The following EHBP1 variants were observed in gnomAD, a reference collection of about 807,000 sequenced individuals.
EHBP1 encodes the protein EH domain-binding protein 1.
A neutral mutation model predicts 144.0 loss-of-function variants in EHBP1; 55 were observed. That is an observed-to-expected ratio of 0.38 (90% CI 0.31 to 0.48). The LOEUF is 0.48. Among genes scored for constraint, EHBP1 ranks in the 20% least tolerant of loss-of-function variants. EHBP1 has a pLI of 0.98. For missense variants in EHBP1, 1,200 were observed against 1,364.2 expected, an observed-to-expected ratio of 0.88 and a Z score of 1.90; for synonymous variants, 469 against 472.7, an observed-to-expected ratio of 0.99 and a Z score of 0.10.
chr2:62,848,462 T>C (rs780448683), intron 7 of EHBP1, among the ~76,000 whole-genome samples: 50 of 152,112 alleles, frequency 3.3e-4, no homozygotes, highest in Non-Finnish European at 5.7e-4. Flanking sequence ...AAAATATATG[T>C]CTCCAAAAAG....
intron 1 of EHBP1, among the ~76,000 whole-genome samples, chr2:62,684,830 G>A (rs1014905117): frequency 1.3e-4 from 20 of 152,264 alleles, no homozygotes; most frequent in East Asian, 5.8e-4. Context: ...AAGAGAGAAC[G>A]TTTATGTATT....
intron 2 of EHBP1, among the ~76,000 whole-genome samples, chr2:62,712,114 G>T (rs961490079): frequency 3.7e-4 from 57 of 152,106 alleles, no homozygotes; most frequent in African/African-American, 1.4e-3. Flanking sequence ...TGGGAGAGGA[G>T]GTAACCTTAG....
chr2:63,031,821 C>T (rs952045705), intron 19 of EHBP1, among the ~76,000 whole-genome samples: 13 of 151,996 alleles, frequency 8.6e-5, no homozygotes, highest in Non-Finnish European at 1.6e-4. Context: ...CCCAGCAACA[C>T]GAGAGGCTGA....
At chr2:62,926,470 T>C (rs1444452908) in intron 10 of EHBP1, among the ~76,000 whole-genome samples, 1 of 151,962 alleles carries the variant, frequency 6.6e-6, no homozygotes, top group Non-Finnish European at 1.5e-5. Context: ...TAAAAGAAAC[T>C]GAAACATCCC....
intron 14 of EHBP1, among the ~76,000 whole-genome samples, chr2:62,970,014 T>C (rs1229730901): frequency 6.6e-6 from 1 of 152,176 alleles, no homozygotes; most frequent in Non-Finnish European, 1.5e-5. Flanking sequence ...TAATTTTATT[T>C]TTTATTTAAT....
intron 19 of EHBP1, among the ~76,000 whole-genome samples, chr2:63,001,865 T>G (rs2059864774): frequency 6.6e-6 from 1 of 152,190 alleles, no homozygotes; most frequent in Non-Finnish European, 1.5e-5. Flanking sequence ...TTCCTGGGGT[T>G]CTACTAGTAA....
chr2:62,942,465 C>T (rs2056815819), intron 10 of EHBP1, among the ~76,000 whole-genome samples: 1 of 152,166 alleles, frequency 6.6e-6, no homozygotes, highest in South Asian at 2.1e-4. Flanking sequence ...CAGCAAAGCT[C>T]TTGGCCTGTT....
chr2:62,814,811 T>A (rs149577550), intron 5 of EHBP1, among the ~76,000 whole-genome samples: 2 of 152,192 alleles, frequency 1.3e-5, no homozygotes, highest in African/African-American at 2.4e-5. Context: ...CATTGAAGAC[T>A]TCAGGTCAAA....
chr2:62,880,357 AAAAG>A (rs2051298494), intron 10 of EHBP1, among the ~76,000 whole-genome samples: 1 of 151,982 alleles, frequency 6.6e-6, no homozygotes, highest in Non-Finnish European at 1.5e-5. Flanking sequence ...AAAAAAAAAA[AAAAG>A]AAAATTGATA....
intron 19 of EHBP1, among the ~76,000 whole-genome samples, chr2:63,024,743 G>C (rs2060902416): frequency 6.6e-6 from 1 of 152,122 alleles, no homozygotes; most frequent in Non-Finnish European, 1.5e-5. Context: ...GGGCATGGTG[G>C]TTCACACCTG....
intron 21 of EHBP1, chr2:63,044,862 T>G (rs1361269294): frequency 2.0e-6 from 1 of 507,572 alleles, no homozygotes; most frequent in Non-Finnish European, 3.6e-6. Flanking sequence ...GCCATCTCCA[T>G]TCACAGGACC....
intron 2 of EHBP1, among the ~76,000 whole-genome samples, chr2:62,743,285 A>G (rs1023206174): frequency 1.3e-5 from 2 of 152,036 alleles, no homozygotes; most frequent in African/African-American, 4.8e-5. Context: ...TACAGTTTTT[A>G]CAAATTTTAA....
intron 7 of EHBP1, among the ~76,000 whole-genome samples, chr2:62,854,576 G>A (rs2048898822): frequency 6.6e-6 from 1 of 152,194 alleles, no homozygotes; most frequent in South Asian, 2.1e-4. Context: ...TCTGGGGAGT[G>A]GTAGATGGGG....
chr2:62,717,538 G>A (rs941354317), intron 2 of EHBP1, among the ~76,000 whole-genome samples: 5 of 152,154 alleles, frequency 3.3e-5, no homozygotes, highest in African/African-American at 1.2e-4. Context: ...AATTACTGCA[G>A]GATGTAATTG....
chr2:62,892,204 C>T (rs2052518743), intron 10 of EHBP1, among the ~76,000 whole-genome samples: 1 of 151,980 alleles, frequency 6.6e-6, no homozygotes, highest in African/African-American at 2.4e-5. Context: ...GCTATTTTTC[C>T]ACCACCACCA....
rs978301475 is a variant in EHBP1 at position 62,917,095 on chromosome 2, C to T, written c.1186-25623C>T. 5.9e-5 allele frequency among the ~76,000 whole-genome samples: 9 copies of T among 152,138 alleles called. No individual in the cohort carries two copies. The South Asian group carries it at 8.3e-4, about 14-fold the overall frequency. On this transcript the variant is annotated intron_variant, in intron 10 of 22. Coordinates refer to ENST00000431489, the MANE Select transcript of EHBP1 (RefSeq NM_001142616.3). Reference sequence around the variant, plus strand: ...AAGCTAGATGGTGTAGTGTACTACACGACTAGGTTATATGATATGGCCTAT... The same window carrying T: ...AAGCTAGATGGTGTAGTGTACTACATGACTAGGTTATATGATATGGCCTAT...
chr2:62,779,405 T>G (rs2042270041), intron 5 of EHBP1, among the ~76,000 whole-genome samples: 1 of 152,224 alleles, frequency 6.6e-6, no homozygotes, highest in Admixed American at 6.5e-5. Context: ...CATTCAACTT[T>G]GTGTGGAGGG....
At position 62,982,476 on chromosome 2, in the gene EHBP1, A is replaced by C. The variant is rs190048908; in HGVS notation, c.2608+3141A>C. On this transcript the variant is annotated intron_variant, in intron 15 of 22. Coordinates refer to ENST00000431489, the MANE Select transcript of EHBP1 (RefSeq NM_001142616.3). ...AATTCACTTGAGTTCACAAGAGTCT[A>C]CTTTCTAAGTAAAAATGACCCTGAT... Among the ~76,000 whole-genome samples, 246 of 152,290 alleles carry C rather than the reference A, an allele frequency of 1.6e-3. 1 individual carries two copies. Among genetic ancestry groups the C allele is most frequent in the African/African-American group, 5.7e-3 (237 of 41,556 alleles).
chr2:62,780,646 A>G lies in EHBP1; in HGVS notation c.312+9254A>G, dbSNP rs17027390. On this transcript the variant is annotated intron_variant, in intron 5 of 22. Coordinates refer to ENST00000431489, the MANE Select transcript of EHBP1 (RefSeq NM_001142616.3). The stretch of plus-strand genomic sequence containing the variant: ...TGCACTTAAAAAAAGAGGTATGCCT[A>G]AGAATGATCATGCATGCTTTGAGCC... Among the ~76,000 whole-genome samples, 434 of 152,314 alleles carry G rather than the reference A, an allele frequency of 2.8e-3. 3 individuals carry two copies. Among genetic ancestry groups the G allele is most frequent in the Admixed American group, 0.019 (286 of 15,292 alleles).
Sources: allele counts gnomAD v4.1 joint callset (sites outside exome capture counted in the v4.1 genomes callset), GRCh38; gene constraint gnomAD v4.1.1; transcripts MANE v1.5; gene names NCBI Gene and HGNC (gene_info 2026-07-23, HGNC 2026-07-21).